SPATS2: variants seen among roughly 807,000 people sequenced by gnomAD.
SPATS2 encodes spermatogenesis associated serine rich 2.
Under a neutral mutation model 63.7 loss-of-function variants are expected in SPATS2, and 38 were observed. That is an observed-to-expected ratio of 0.60 (90% CI 0.46 to 0.78). The LOEUF (loss-of-function observed/expected upper bound fraction) is 0.78. Among genes scored for constraint, SPATS2 ranks in the 30% least tolerant of loss-of-function variants. The pLI is 0.00. For synonymous variants in SPATS2, 207 were observed against 232.9 expected, an observed-to-expected ratio of 0.89 and a Z score of 1.01; for missense variants, 588 against 666.2, an observed-to-expected ratio of 0.88 and a Z score of 1.29.
At chr12:49,459,740 T>TTCCCCC (rs1945785887) in intron 2 of SPATS2, among the ~76,000 whole-genome samples, 1 of 32,646 alleles carries the variant, frequency 3.1e-5, no homozygotes, top group Non-Finnish European at 4.9e-5. Context: ...TCATTTCACG[T>TTCCCCC]CCCCCCCCCC....
At chr12:49,420,953 G>A (rs530778080) in intron 2 of SPATS2, among the ~76,000 whole-genome samples, 9 of 152,276 alleles carry the variant, frequency 5.9e-5, no homozygotes, top group African/African-American at 2.2e-4. Flanking sequence ...GCTGCAGCAA[G>A]CTGTAATTGT....
At chr12:49,493,128 A>G (rs1946411468) in intron 6 of SPATS2, among the ~76,000 whole-genome samples, 1 of 151,716 alleles carries the variant, frequency 6.6e-6, no homozygotes. Context: ...GAAAGAAAGA[A>G]AGATGAGAGC....
At chr12:49,428,867 G>T (rs1220609271) in intron 2 of SPATS2, among the ~76,000 whole-genome samples, 2 of 152,086 alleles carry the variant, frequency 1.3e-5, no homozygotes, top group African/African-American at 2.4e-5. Flanking sequence ...GCTGAGGACC[G>T]GAGTTTTATA....
intron 3 of SPATS2, among the ~76,000 whole-genome samples, chr12:49,461,431 A>G (rs919650661): frequency 2.0e-5 from 3 of 152,202 alleles, no homozygotes; most frequent in Non-Finnish European, 2.9e-5. Context: ...CCTTCCGGGA[A>G]TGTTCTTCTA....
chr12:49,368,876 G>A (rs781001118), intron 1 of SPATS2, among the ~76,000 whole-genome samples: 4 of 152,092 alleles, frequency 2.6e-5, no homozygotes, highest in Non-Finnish European at 4.4e-5. Context: ...ACATTAATCA[G>A]TTTGTATTTC....
Position 49,447,488 on chromosome 12 carries a change from C to T in SPATS2, c.-243-13282C>T, listed in dbSNP as rs966027684. 6.0e-5 allele frequency among the ~76,000 whole-genome samples: 9 copies of T among 150,692 alleles called. 1 individual carries two copies. In the South Asian group the frequency reaches 6.3e-4, roughly 11 times the overall value. ...TCTTGACCTCGTGATCCCCCCACCT[C>T]GGCCTCCCAAAGTGCTGGGATTACA... On this transcript the variant is annotated intron_variant, in intron 2 of 13. Coordinates refer to ENST00000552918, the MANE Select transcript of SPATS2 (RefSeq NM_023071.4).
chr12:49,423,705 A>G (rs1424616821), intron 2 of SPATS2, among the ~76,000 whole-genome samples: 5 of 152,214 alleles, frequency 3.3e-5, no homozygotes, highest in Non-Finnish European at 5.9e-5. Flanking sequence ...CTTTCAATCA[A>G]TGGATTTAAA....
intron 2 of SPATS2, among the ~76,000 whole-genome samples, chr12:49,438,850 C>CCCGG (rs1234788755): frequency 6.6e-6 from 1 of 152,056 alleles, no homozygotes; most frequent in African/African-American, 2.4e-5. Flanking sequence ...CTGCTATGTG[C>CCCGG]CCGGTATAGT....
intron 2 of SPATS2, among the ~76,000 whole-genome samples, chr12:49,457,426 T>G (rs926081936): frequency 6.6e-6 from 1 of 151,522 alleles, no homozygotes; most frequent in African/African-American, 2.4e-5. Context: ...TGTTGATTGT[T>G]GCTTTCATCC....
At chr12:49,408,959 T>A (rs1462582169) in intron 2 of SPATS2, among the ~76,000 whole-genome samples, 1 of 152,192 alleles carries the variant, frequency 6.6e-6, no homozygotes, top group Non-Finnish European at 1.5e-5. Context: ...TAGTTGTTGG[T>A]TGCATCCTGT....
intron 2 of SPATS2, among the ~76,000 whole-genome samples, chr12:49,458,573 AG>A (rs1397891127): frequency 1.3e-5 from 2 of 152,114 alleles, no homozygotes; most frequent in East Asian, 3.9e-4. Flanking sequence ...TGAGGTCAGG[AG>A]TTCAAGACCA....
intron 2 of SPATS2, among the ~76,000 whole-genome samples, chr12:49,452,958 C>G (rs1190839347): frequency 1.3e-5 from 2 of 151,872 alleles, no homozygotes; most frequent in East Asian, 1.9e-4. Flanking sequence ...GAGATCGAGA[C>G]CATCCTGGCT....
Position 49,516,204 on chromosome 12 carries a change from T to TAAATAA in SPATS2, c.898+1592_898+1593insAATAAA, listed in dbSNP as rs1555193493. 2.6e-3 allele frequency among the ~76,000 whole-genome samples: 181 copies of TAAATAA among 70,704 alleles called. 8 individuals carry two copies. The highest frequency in any genetic ancestry group is 2.6e-3 in the Admixed American group (11 of 4,250). 46.4% of individuals were successfully genotyped at this position (70,704 alleles called of 152,430 possible). On this transcript the variant is annotated intron_variant, in intron 10 of 13. Transcript: ENST00000552918. ...ATATATATATATATATATATATATA[T>TAAATAA]ATATAAATCAGGCATGGGGTCATGT...
chr12:49,519,334 TA>T, intron 11 of SPATS2, 152 bp downstream of exon 11: 3 of 606,868 alleles, frequency 4.9e-6, no homozygotes, highest in Non-Finnish European at 8.3e-6. Flanking sequence ...CTGTAAGTGG[TA>T]TTATCATCTA....
intron 7 of SPATS2, 143 bp from the exon 8 acceptor site, chr12:49,496,690 T>C: frequency 2.5e-6 from 2 of 811,460 alleles, no homozygotes; most frequent in Non-Finnish European, 3.8e-6. Flanking sequence ...ATCTTTGTTC[T>C]ATTGTTTCAG....
At chr12:49,512,928 A>C (rs1946776085) in intron 9 of SPATS2, 1 of 1,288,046 alleles carries the variant, frequency 7.8e-7, no homozygotes. Flanking sequence ...CTTTCTTAGC[A>C]AAGTATTGCT....
At chr12:49,512,020 C>T (rs1338944810) in intron 9 of SPATS2, among the ~76,000 whole-genome samples, 2 of 152,156 alleles carry the variant, frequency 1.3e-5, no homozygotes, top group East Asian at 1.9e-4. Flanking sequence ...CCCCTAAATG[C>T]TTTAGCATAA....
At position 49,488,798 on chromosome 12, in the gene SPATS2, C is replaced by T. The variant is rs568830618; in HGVS notation, c.106-667C>T. ...AGTGCAAAATAATAGTGTATATTAC[C>T]TATGGATATATGCACATATCATAAA... On this transcript the variant is annotated intron_variant, in intron 4 of 13. Coordinates refer to ENST00000552918, the MANE Select transcript of SPATS2 (RefSeq NM_023071.4). 8.6e-5 allele frequency among the ~76,000 whole-genome samples: 13 copies of T among 151,810 alleles called. No homozygotes were observed. The East Asian group carries it at 1.7e-3, about 20-fold the overall frequency.
At chr12:49,393,453 A>G (rs1338839537) in intron 2 of SPATS2, among the ~76,000 whole-genome samples, 2 of 152,196 alleles carry the variant, frequency 1.3e-5, no homozygotes, top group South Asian at 4.1e-4. Context: ...TCTATAAAGA[A>G]GACTTTTTCC....
Sources: allele counts gnomAD v4.1 joint callset (sites outside exome capture counted in the v4.1 genomes callset), GRCh38; gene constraint gnomAD v4.1.1; transcripts MANE v1.5; gene names NCBI Gene and HGNC (gene_info 2026-07-23, HGNC 2026-07-21).